The following RBM26 variants were observed in gnomAD, a reference collection of about 807,000 sequenced individuals.
RBM26 encodes the protein RNA-binding protein 26.
RBM26 carries 30 observed loss-of-function variants against 123.6 expected under a neutral mutation model. The observed-to-expected ratio is 0.24, with a 90% CI of 0.18 to 0.33. The LOEUF (loss-of-function observed/expected upper bound fraction) is 0.33. RBM26 is among the 10% of genes least tolerant of loss of function. RBM26 has a pLI of 1.00. For missense variants in RBM26, 947 were observed against 1,203.6 expected (o/e 0.79, Z 3.15); for synonymous variants, 400 against 404.4 (o/e 0.99, Z 0.13).
rs1278821323 is a variant in RBM26, at chr13:79,372,896, T to TAAATATTTTATATAA, written c.328-967_328-966insTTATATAAAATATTT. 2.9e-4 allele frequency among the ~76,000 whole-genome samples: 23 copies of TAAATATTTTATATAA among 78,540 alleles called. 3 individuals carry two copies. The highest frequency in any genetic ancestry group is 2.7e-4 in the Non-Finnish European group (11 of 41,278). The allele number at this position is 78,540 out of a possible 152,430, so 51.5% of individuals were successfully genotyped here. On this transcript the variant is annotated intron_variant, in intron 3 of 21. Coordinates refer to ENST00000438737, the MANE Select transcript of RBM26 (RefSeq NM_001366735.2). The stretch of plus-strand genomic sequence containing the variant: ...ATAATATTTTATATGCTATATAAAA[T>TAAATATTTTATATAA]ATATCTTATATATTACATATTTTAT...
chr13:79,337,956 G>A (rs753534973), intron 18 of RBM26, among the ~76,000 whole-genome samples: 6 of 152,162 alleles, frequency 3.9e-5, no homozygotes, highest in Admixed American at 6.5e-5. Context: ...GGTGGCTCAC[G>A]CCTGTAATCC....
At position 79,377,507 on chromosome 13, in the gene RBM26, T is replaced by C; in HGVS notation, c.199A>G (p.Ile67Val). The C allele has an allele frequency of 1.2e-6, 2 of 1,608,726 alleles. No individual in the cohort carries two copies. The highest frequency in any genetic ancestry group is 1.7e-6 in the Non-Finnish European group (2 of 1,176,028). Residue 67 changes from isoleucine to valine, a missense_variant, in exon 3 of 22, where the codon ATA (isoleucine) becomes GTA (valine). Physicochemically the swap from Ile to Val is conservative, Grantham distance 29. This residue lies in a region of RBM26 where 275 missense variants were observed against 361.0 expected (regional missense o/e 0.76). Transcript: ENST00000438737. ...GCATCAAAAAGTTTTTCCACAAATA[T>C]CTGTGTCTCTAAAAATAAAACCAAA... Reference protein sequence around the residue: ...LDVFLQKETQIFVEKLFDAVN... With the variant: ...LDVFLQKETQVFVEKLFDAVN...
At chr13:79,383,492 T>C (rs2077231700) in intron 1 of RBM26, among the ~76,000 whole-genome samples, 1 of 152,216 alleles carries the variant, frequency 6.6e-6, no homozygotes, top group African/African-American at 2.4e-5. Context: ...GAATCTTTCA[T>C]CTTCATATAA....
chr13:79,345,459 C>T (rs148204330), intron 14 of RBM26, among the ~76,000 whole-genome samples: 83 of 151,622 alleles, frequency 5.5e-4, no homozygotes, highest in African/African-American at 1.8e-3. Flanking sequence ...TAAAAAAAAA[C>T]GACCTGATAA....
intron 9 of RBM26, among the ~76,000 whole-genome samples, chr13:79,363,090 T>G (rs1404184348): frequency 1.3e-5 from 2 of 152,136 alleles, no homozygotes; most frequent in Non-Finnish European, 2.9e-5. Context: ...TCCTTAGAAC[T>G]CTGCAAAAAA....
intron 6 of RBM26, among the ~76,000 whole-genome samples, chr13:79,367,432 A>G (rs1207031176): frequency 4.7e-5 from 2 of 42,730 alleles, no homozygotes; most frequent in African/African-American, 6.6e-5. Flanking sequence ...AAAAAAAAAA[A>G]GAAGAAGAAG....
Position 79,341,112 on chromosome 13 carries a change from A to G in RBM26, c.2532+11T>C, listed in dbSNP as rs1432529889. The stretch of plus-strand genomic sequence containing the variant: ...CTTTTAAGCCTACTGTGTAGTTGTG[A>G]TTAAACATACTTCCAGCTGTAATTC... On this transcript the variant is annotated intron_variant, in intron 18 of 21. Transcript: ENST00000438737. The G allele has an allele frequency of 6.5e-7, 1 of 1,538,980 alleles. No individual in the cohort carries two copies. Among genetic ancestry groups the G allele is most frequent in the South Asian group, 1.1e-5 (1 of 88,572 alleles).
At position 79,341,244 on chromosome 13, in the gene RBM26, A is replaced by ACT; in HGVS notation, c.2428-18_2428-17insAG. On this transcript the variant is annotated splice_polypyrimidine_tract_variant and intron_variant, in intron 17 of 21. Transcript: ENST00000438737. ...CTTCTGCATCTAAAAAATAGTAATT[A>ACT]ATATTTTAGGTGACAGTAATTACTA... is the stretch of plus-strand genomic sequence containing the variant. 6.5e-7 allele frequency: 1 copy of ACT among 1,526,954 alleles called. No homozygotes were observed. The highest frequency in any genetic ancestry group is 9.0e-7 in the Non-Finnish European group (1 of 1,106,172). 94.6% of individuals were successfully genotyped at this position (1,526,954 alleles called of 1,614,324 possible).
intron 9 of RBM26, among the ~76,000 whole-genome samples, chr13:79,362,899 T>G (rs1387330272): frequency 6.6e-6 from 1 of 152,200 alleles, no homozygotes; most frequent in Non-Finnish European, 1.5e-5. Context: ...TGGTATATAC[T>G]CAGCAAATGA....
At chr13:79,383,971 A>C (rs1237322144) in intron 1 of RBM26, among the ~76,000 whole-genome samples, 1 of 152,198 alleles carries the variant, frequency 6.6e-6, no homozygotes, top group Admixed American at 6.5e-5. Context: ...AGCCCAGGCC[A>C]AGGGAACCCA....
At position 79,370,985 on chromosome 13, in the gene RBM26, A is replaced by G. The variant is rs559088090; in HGVS notation, c.594T>C (p.Asp198=). ...SKERLRERDR[D]RSRTRSRSRT... is the part of the protein sequence containing the mutation. ...TGCTTCTGCTTCTAGTCCTGCTTCT[A>G]TCTCTGTCCCTCTCACGAAGCCTCT... Residue 198 remains aspartate, a synonymous_variant, in exon 5 of 22, where the codon GAT becomes GAC. Transcript: ENST00000438737. 6.5e-5 allele frequency: 103 copies of G among 1,592,042 alleles called. 2 individuals are homozygous for G. The South Asian group carries it at 7.4e-4, about 11-fold the overall frequency.
intron 1 of RBM26, among the ~76,000 whole-genome samples, chr13:79,399,138 C>T (rs888474712): frequency 2.0e-5 from 3 of 152,208 alleles, no homozygotes; most frequent in Non-Finnish European, 2.9e-5. Context: ...AGTCACTTCA[C>T]CCAGCTGGAT....
intron 1 of RBM26, among the ~76,000 whole-genome samples, chr13:79,395,767 A>C (rs999811184): frequency 6.6e-6 from 1 of 152,136 alleles, no homozygotes; most frequent in African/African-American, 2.4e-5. Flanking sequence ...CAAACAAAAA[A>C]ATGGAAAATA....
At position 79,395,185 on chromosome 13, in the gene RBM26, A is replaced by C. The variant is rs2078449629; in HGVS notation, c.71+10519T>G. The stretch of plus-strand genomic sequence containing the variant: ...CTAAAGGGAACACAAAATAGTAAGA[A>C]AATGTGATCTACATGAGACGAAACA... On this transcript the variant is annotated intron_variant, in intron 1 of 21. Transcript: ENST00000438737. Among the ~76,000 whole-genome samples the C allele has an allele frequency of 1.3e-5, 2 of 152,212 alleles. 1 individual carries two copies. The highest frequency in any genetic ancestry group is 4.1e-4 in the South Asian group (2 of 4,836).
intron 3 of RBM26, among the ~76,000 whole-genome samples, chr13:79,374,241 G>C (rs568179217): frequency 1.3e-5 from 2 of 152,232 alleles, no homozygotes; most frequent in East Asian, 3.9e-4. Flanking sequence ...GGCAGAGGTG[G>C]GTGGATCACT....
intron 3 of RBM26, among the ~76,000 whole-genome samples, chr13:79,373,398 ATATAT>A (rs2076241634): frequency 1.2e-5 from 1 of 81,936 alleles, no homozygotes; most frequent in Non-Finnish European, 2.1e-5. Context: ...TATATATAAT[ATATAT>A]TATATACTAT....
exon 5 of RBM26, chr13:79,311,899 CAT>C (rs2066908411): frequency 6.6e-6 from 1 of 151,820 alleles, no homozygotes; most frequent in South Asian, 2.1e-4. Context: ...TTTAACAAAA[CAT>C]AATTCAACTA....
chr13:79,379,162 ATGGAT>A (rs2076875863), intron 1 of RBM26, among the ~76,000 whole-genome samples: 2 of 152,120 alleles, frequency 1.3e-5, no homozygotes, highest in African/African-American at 4.8e-5. Flanking sequence ...AAGTCTAGAA[ATGGAT>A]CCAAATGTAC....
At chr13:79,371,969 A>G (rs9545093) in intron 3 of RBM26, 39 bp from the exon 4 acceptor site, 685,540 of 1,387,472 alleles carry the variant, frequency 0.49, 173,207 homozygotes, top group African/African-American at 0.56. Context: ...AAGTTTAGTA[A>G]TTATTCCACT....
Sources: allele counts gnomAD v4.1 joint callset (sites outside exome capture counted in the v4.1 genomes callset), GRCh38; gene constraint gnomAD v4.1.1; regional missense constraint gnomAD v4.1.1; transcripts MANE v1.5; gene names NCBI Gene and HGNC (gene_info 2026-07-23, HGNC 2026-07-21).